Variants in LTBP1 observed in about 807,000 individuals in gnomAD.
The protein encoded by LTBP1 is latent transforming growth factor beta binding protein 1.
A neutral mutation model predicts 207.6 loss-of-function variants in LTBP1; 129 were observed. The observed-to-expected ratio is 0.62, with a 90% CI of 0.54 to 0.72. The LOEUF is 0.72. LTBP1 is among the 30% of genes least tolerant of loss of function. The pLI is 0.00. For missense variants in LTBP1, 2,281 were observed against 2,217.2 expected (o/e 1.03, Z -0.58); for synonymous variants, 963 against 833.7 (o/e 1.16, Z -2.67).
chr2:33,052,526 G>C (rs1282441845), intron 3 of LTBP1, among the ~76,000 whole-genome samples: 3 of 152,176 alleles, frequency 2.0e-5, no homozygotes, highest in Non-Finnish European at 4.4e-5. Context: ...TGTGAGTCTA[G>C]GGACTGGATT....
intron 3 of LTBP1, among the ~76,000 whole-genome samples, chr2:33,097,266 C>A (rs867377387): frequency 6.6e-6 from 1 of 152,082 alleles, no homozygotes; most frequent in African/African-American, 2.4e-5. Context: ...TTTAAGGCAA[C>A]ATATTAATAA....
At chr2:33,263,459 G>T (rs2093078881) in intron 15 of LTBP1, 67 bp downstream of exon 15, 1 of 1,160,936 alleles carries the variant, frequency 8.6e-7, no homozygotes, top group East Asian at 2.3e-5. Flanking sequence ...CATTTTAAAT[G>T]TAGTATCCAT....
At chr2:33,367,940 C>T (rs1407428334) in intron 31 of LTBP1, among the ~76,000 whole-genome samples, 45 of 152,112 alleles carry the variant, frequency 3.0e-4, no homozygotes, top group Non-Finnish European at 2.9e-4. Flanking sequence ...TTTGGCCGTG[C>T]GCGGTGGCTC....
intron 3 of LTBP1, among the ~76,000 whole-genome samples, chr2:33,080,839 T>C (rs192593670): frequency 1.3e-5 from 2 of 152,330 alleles, no homozygotes; most frequent in East Asian, 3.9e-4. Context: ...CATGCGTATA[T>C]ACACACACAT....
chr2:32,957,076 C>T (rs557275680), intron 2 of LTBP1, among the ~76,000 whole-genome samples: 6 of 152,258 alleles, frequency 3.9e-5, no homozygotes, highest in South Asian at 2.1e-4. Context: ...AGAGCACAGG[C>T]GAAGCAGATT....
intron 7 of LTBP1, among the ~76,000 whole-genome samples, chr2:33,202,581 G>GT (rs1485089690): frequency 6.6e-6 from 1 of 152,180 alleles, no homozygotes; most frequent in Non-Finnish European, 1.5e-5. Flanking sequence ...CAGAATTATT[G>GT]TAACACTTTT....
intron 3 of LTBP1, among the ~76,000 whole-genome samples, chr2:33,085,618 A>G (rs1030763937): frequency 9.2e-5 from 14 of 152,304 alleles, no homozygotes; most frequent in African/African-American, 2.6e-4. Flanking sequence ...CAATAACCCT[A>G]TGACACATTT....
intron 24 of LTBP1, among the ~76,000 whole-genome samples, chr2:33,316,939 C>G (rs2094282659): frequency 6.6e-6 from 1 of 152,090 alleles, no homozygotes; most frequent in Admixed American, 6.6e-5. Flanking sequence ...TGTGGTATAA[C>G]TACTGATGGT....
chr2:33,008,531 A>G (rs1687240435), intron 2 of LTBP1, among the ~76,000 whole-genome samples: 1 of 152,226 alleles, frequency 6.6e-6, no homozygotes, highest in Non-Finnish European at 1.5e-5. Flanking sequence ...TTCACCACTT[A>G]TAGGTAGATG....
chr2:33,066,292 T>A (rs1004856434), intron 3 of LTBP1, among the ~76,000 whole-genome samples: 6 of 152,222 alleles, frequency 3.9e-5, no homozygotes, highest in African/African-American at 1.2e-4. Context: ...GCTGCTTTCT[T>A]CCTGTAATGG....
Position 33,110,848 on chromosome 2 carries a change from A to T in LTBP1, c.1033+97A>T. On this transcript the variant is annotated intron_variant, in intron 4 of 33. Transcript: ENST00000404816. ...ACGGCTTTAATGTGTCACAGTAAAT[A>T]AAATTCAAGAGTCATTAAAAAATCC... 3.5e-6 allele frequency: 4 copies of T among 1,134,004 alleles called. No homozygotes were observed. In the East Asian group the frequency reaches 1.0e-4, roughly 29 times the overall value. The allele number at this position is 1,134,004 out of a possible 1,614,324, so 70.2% of individuals were successfully genotyped here. A position where few individuals can be genotyped will look rare whatever the true frequency, so the allele number is the denominator to read the frequency against.
intron 22 of LTBP1, among the ~76,000 whole-genome samples, chr2:33,305,307 G>A (rs1573736705): frequency 6.6e-6 from 1 of 152,130 alleles, no homozygotes; most frequent in East Asian, 1.9e-4. Context: ...CTGGGCAACA[G>A]AGCAAGACTA....
chr2:33,040,069 G>A (rs373279242), intron 3 of LTBP1, among the ~76,000 whole-genome samples: 1 of 152,134 alleles, frequency 6.6e-6, no homozygotes, highest in East Asian at 1.9e-4. Context: ...GGTAGAGTAG[G>A]GCATGGAGGC....
chr2:33,279,555 G>T (rs2093516078), intron 18 of LTBP1, among the ~76,000 whole-genome samples: 1 of 151,740 alleles, frequency 6.6e-6, no homozygotes, highest in African/African-American at 2.4e-5. Flanking sequence ...TCATATGAAA[G>T]GTTTTAAATT....
chr2:33,247,294 T>C (rs1043166430), intron 10 of LTBP1, among the ~76,000 whole-genome samples: 1 of 152,222 alleles, frequency 6.6e-6, no homozygotes, highest in Non-Finnish European at 1.5e-5. Context: ...TGAGCATCTT[T>C]ATGAGAAACA....
rs749863475 is a variant in LTBP1 at position 33,399,227 on chromosome 2, C to T, written c.*682C>T. ...GTGTTAATTGGATCCCTTTCCTTCA[C>T]TGAAATGGAAGAGTTTATAAGCTTA... On this transcript the variant is annotated 3_prime_UTR_variant, in exon 34 of 34. Coordinates refer to ENST00000404816, the MANE Select transcript of LTBP1 (RefSeq NM_206943.4). The T allele has an allele frequency of 1.3e-5, 2 of 152,350 alleles. No individual in the cohort carries two copies. The highest frequency in any genetic ancestry group is 2.9e-5 in the Non-Finnish European group (2 of 68,044). 9.4% of individuals were successfully genotyped at this position (152,350 alleles called of 1,614,324 possible).
chr2:33,280,125 G>A lies in LTBP1; in HGVS notation c.3079G>A (p.Glu1027Lys). 1.2e-6 allele frequency: 2 copies of A among 1,614,150 alleles called. No individual in the cohort carries two copies. Among genetic ancestry groups the A allele is most frequent in the South Asian group, 1.1e-5 (1 of 91,082 alleles). The change falls in exon 19 of 34, where the codon GAA becomes AAA. Residue 1027 changes from glutamate to lysine, a missense_variant. This residue lies in a region of LTBP1 where 1,671 missense variants were observed against 1,634.8 expected (regional missense o/e 1.02). Transcript: ENST00000404816. ...PGSYQCVPCTEGFRGWNGQCL... is the reference protein window; with the variant it reads ...PGSYQCVPCTKGFRGWNGQCL... ...ATCTTACCAGTGCGTTCCCTGCACA[G>A]AAGGATTCCGAGGCTGGAATGGACA...
At chr2:33,237,201 G>C (rs1372661120) in intron 9 of LTBP1, among the ~76,000 whole-genome samples, 1 of 152,068 alleles carries the variant, frequency 6.6e-6, no homozygotes, top group Non-Finnish European at 1.5e-5. Context: ...TGTTAAAAAG[G>C]GTCCCACAGC....
At chr2:33,037,341 G>A (rs1000951) in intron 3 of LTBP1, among the ~76,000 whole-genome samples, 14,744 of 152,258 alleles carry the variant, frequency 0.097, 955 homozygotes, top group Non-Finnish European at 0.14. Flanking sequence ...CTTGGAAGGT[G>A]TAATAATCAT....
Sources: gnomAD v4.1 joint callset for allele counts (sites outside exome capture counted in the v4.1 genomes callset) on GRCh38, gnomAD v4.1.1 for gene constraint, gnomAD v4.1.1 regional missense constraint, MANE v1.5 for transcripts, NCBI Gene and HGNC (gene_info 2026-07-23, HGNC 2026-07-21) for gene names.